NELL2: variants seen among roughly 807,000 people sequenced by gnomAD.
NELL2 encodes the protein neural EGFL like 2.
NELL2 carries 41 observed loss-of-function variants against 109.6 expected under a neutral mutation model. The ratio of observed to expected loss-of-function variants is 0.37; its 90% CI spans 0.29 to 0.49. The LOEUF is 0.49. Among genes scored for constraint, NELL2 ranks in the 20% least tolerant of loss-of-function variants. The pLI is 0.98. For synonymous variants in NELL2, 355 were observed against 344.7 expected (o/e 1.03, Z -0.33); for missense variants, 900 against 1,008.3 (o/e 0.89, Z 1.45).
chr12:44,791,105 ATATGTATATATATATG>A (rs1942390285), intron 3 of NELL2, among the ~76,000 whole-genome samples: 3 of 25,670 alleles, frequency 1.2e-4, no homozygotes, highest in African/African-American at 5.4e-4. Flanking sequence ...ATGTATATAT[ATATGTATATATATATG>A]TATATATATA....
chr12:44,569,761 T>A (rs74087618), intron 15 of NELL2, among the ~76,000 whole-genome samples: 9,568 of 144,158 alleles, frequency 0.066, 951 homozygotes, highest in African/African-American at 0.26. Flanking sequence ...GATCTATGAA[T>A]TTTTTTTATG....
upstream of NELL2, among the ~76,000 whole-genome samples, chr12:44,918,851 T>C (rs1945848357): frequency 6.6e-6 from 1 of 152,150 alleles, no homozygotes; most frequent in South Asian, 2.1e-4. Flanking sequence ...CAGCCATTGC[T>C]TCCCTCTCCC....
chr12:44,610,872 T>C lies in NELL2; in HGVS notation c.1543A>G (p.Thr515Ala). 1 of 1,613,156 alleles carries C rather than the reference T, an allele frequency of 6.2e-7. No individual in the cohort carries two copies. The highest frequency in any genetic ancestry group is 8.5e-7 in the Non-Finnish European group (1 of 1,179,318). ...CCTTTGCATGTCGTTCCATTCCCTG[T>C]ATAGCCCGGCTTGCAAACACAGTTG... Reference protein sequence around the residue: ...GHNCVCKPGYTGNGTTCKAFC... With the variant: ...GHNCVCKPGYAGNGTTCKAFC... Residue 515 changes from threonine to alanine, a missense_variant, in exon 14 of 20, where the codon ACA becomes GCA. Thr to Ala is a moderately conservative substitution (Grantham distance 58). Around this residue, in one of 4 missense-constraint regions of NELL2, gnomAD observed 333 missense variants for 432.3 expected, o/e 0.77. Coordinates refer to ENST00000429094, the MANE Select transcript of NELL2 (RefSeq NM_001145108.2).
chr12:44,582,486 G>C (rs993227491), intron 15 of NELL2, among the ~76,000 whole-genome samples: 4 of 152,116 alleles, frequency 2.6e-5, no homozygotes, highest in Admixed American at 6.5e-5. Context: ...TTGAAATCAA[G>C]CTGGGTATTA....
chr12:44,852,251 A>C (rs1355667667), intron 2 of NELL2, among the ~76,000 whole-genome samples: 2 of 152,194 alleles, frequency 1.3e-5, no homozygotes, highest in African/African-American at 4.8e-5. Flanking sequence ...CTTAACATAC[A>C]CTGCTGGAAA....
intron 12 of NELL2, among the ~76,000 whole-genome samples, chr12:44,689,816 A>T (rs1368944320): frequency 6.6e-6 from 1 of 152,176 alleles, no homozygotes; most frequent in Non-Finnish European, 1.5e-5. Flanking sequence ...GCTGCTAAAC[A>T]TCCTACAATG....
intron 13 of NELL2, among the ~76,000 whole-genome samples, chr12:44,643,645 A>G (rs1471040002): frequency 6.6e-6 from 1 of 152,178 alleles, no homozygotes; most frequent in Non-Finnish European, 1.5e-5. Context: ...TACATATACA[A>G]AAGAAATCAT....
intron 13 of NELL2, among the ~76,000 whole-genome samples, chr12:44,642,544 T>C (rs1157973272): frequency 6.6e-6 from 1 of 152,186 alleles, no homozygotes; most frequent in Non-Finnish European, 1.5e-5. Context: ...GGAGGTCTAC[T>C]ATACAACAGT....
intron 19 of NELL2, among the ~76,000 whole-genome samples, chr12:44,513,708 T>C (rs971005854): frequency 2.0e-5 from 3 of 151,728 alleles, no homozygotes; most frequent in African/African-American, 7.3e-5. Flanking sequence ...GACAAAGCAA[T>C]AGAAATTATC....
chr12:44,595,908 C>T (rs1944945028), intron 15 of NELL2, among the ~76,000 whole-genome samples: 1 of 152,262 alleles, frequency 6.6e-6, no homozygotes, highest in Non-Finnish European at 1.5e-5. Context: ...TTGCTTGCCT[C>T]CTAAGGTTCC....
intron 15 of NELL2, among the ~76,000 whole-genome samples, chr12:44,576,047 C>T (rs2136202321): frequency 6.6e-6 from 1 of 152,316 alleles, no homozygotes; most frequent in Non-Finnish European, 1.5e-5. Context: ...CTCAAATGTG[C>T]CATGCTGTCC....
intron 16 of NELL2, among the ~76,000 whole-genome samples, chr12:44,525,647 G>T (rs1003228231): frequency 1.3e-5 from 2 of 152,094 alleles, no homozygotes; most frequent in African/African-American, 4.8e-5. Flanking sequence ...ACCTATCATG[G>T]CATACACAAA....
At chr12:44,642,950 G>A (rs1012634245) in intron 13 of NELL2, among the ~76,000 whole-genome samples, 1 of 152,110 alleles carries the variant, frequency 6.6e-6, no homozygotes, top group Admixed American at 6.5e-5. Context: ...ACAATAAAGA[G>A]ACATTAAAAG....
intron 2 of NELL2, among the ~76,000 whole-genome samples, chr12:44,861,484 A>G (rs1426680517): frequency 1.3e-5 from 2 of 152,140 alleles, no homozygotes; most frequent in African/African-American, 4.8e-5. Context: ...CAGTCTCAAC[A>G]TTAGATTGGC....
At chr12:44,742,539 T>A (rs1000932217) in intron 9 of NELL2, among the ~76,000 whole-genome samples, 2 of 152,050 alleles carry the variant, frequency 1.3e-5, no homozygotes, top group African/African-American at 4.8e-5. Context: ...GAACCAATGG[T>A]AAAGAAGTTA....
chr12:44,722,561 T>A (rs187314005), intron 9 of NELL2, among the ~76,000 whole-genome samples: 1 of 152,250 alleles, frequency 6.6e-6, no homozygotes, highest in African/African-American at 2.4e-5. Flanking sequence ...GATGGGCACA[T>A]GCACAGGTAA....
chr12:44,636,474 TGA>T (rs1279749185), intron 13 of NELL2, among the ~76,000 whole-genome samples: 1 of 152,204 alleles, frequency 6.6e-6, no homozygotes, highest in Non-Finnish European at 1.5e-5. Context: ...CGTGGTTTAT[TGA>T]GAGTTTTTAG....
At chr12:44,785,096 T>C (rs2136612533) in intron 3 of NELL2, among the ~76,000 whole-genome samples, 1 of 152,308 alleles carries the variant, frequency 6.6e-6, no homozygotes, top group Middle Eastern at 3.4e-3. Flanking sequence ...CAAATTGTTT[T>C]GTTTGCAGAT....
At chr12:44,530,012 G>T (rs1467490768) in intron 16 of NELL2, among the ~76,000 whole-genome samples, 3 of 152,078 alleles carry the variant, frequency 2.0e-5, no homozygotes, top group African/African-American at 4.8e-5. Context: ...AGTTGAAAAA[G>T]ACTTAACTAT....
Sources: allele counts gnomAD v4.1 joint callset (sites outside exome capture counted in the v4.1 genomes callset), GRCh38; gene constraint gnomAD v4.1.1; regional missense constraint gnomAD v4.1.1; transcripts MANE v1.5; gene names NCBI Gene and HGNC (gene_info 2026-07-23, HGNC 2026-07-21).